Variants in PDE4DIP observed in about 807,000 individuals in gnomAD.
PDE4DIP encodes phosphodiesterase 4D interacting protein, also known as myomegalin.
In PDE4DIP, 59 loss-of-function variants were observed where a neutral mutation model predicts 221.4. The ratio of observed to expected loss-of-function variants is 0.27; its 90% CI spans 0.22 to 0.33. The LOEUF is 0.33. PDE4DIP is among the 10% of genes least tolerant of loss of function. The pLI is 1.00. For missense variants in PDE4DIP, 1,036 were observed against 2,154.2 expected, an observed-to-expected ratio of 0.48 and a Z score of 10.28; for synonymous variants, 404 against 815.9, an observed-to-expected ratio of 0.50 and a Z score of 8.60.
intron 9 of PDE4DIP, among the ~76,000 whole-genome samples, chr1:148,963,639 T>C (rs2057447993): frequency 6.6e-6 from 1 of 151,652 alleles, no homozygotes; most frequent in Admixed American, 6.6e-5. Context: ...GTCAGAGGAA[T>C]GACATGCATA....
At chr1:149,004,495 G>T (rs372581087) in intron 26 of PDE4DIP, among the ~76,000 whole-genome samples, 909 of 74,236 alleles carry the variant, frequency 0.012, 27 homozygotes, top group African/African-American at 0.049. Context: ...CTTTCAGCAT[G>T]CAGTAATAGC....
At chr1:148,923,950 G>T (rs1487927565) in intron 1 of PDE4DIP, among the ~76,000 whole-genome samples, 6 of 150,936 alleles carry the variant, frequency 4.0e-5, no homozygotes, top group Admixed American at 4.0e-4. Context: ...AGAAAGGTAT[G>T]TGAACCTAGG....
chr1:149,029,550 A>G (rs1258174062), intron 41 of PDE4DIP, among the ~76,000 whole-genome samples: 6 of 152,148 alleles, frequency 3.9e-5, no homozygotes, highest in African/African-American at 7.2e-5. Context: ...CTCTTAAGCT[A>G]CAGGTGTGTA....
exon 32 of PDE4DIP, chr1:149,012,650 G>A (rs781889930): frequency 1.2e-6 from 2 of 1,612,876 alleles, no homozygotes; most frequent in Non-Finnish European, 1.7e-6. Flanking sequence ...ATTGCCCTCA[G>A]CTCCATCCAG....
intron 34 of PDE4DIP, 45 bp downstream of exon 37, chr1:149,017,924 C>G: frequency 1.3e-6 from 2 of 1,514,630 alleles, no homozygotes; most frequent in South Asian, 2.3e-5. Context: ...TATTTAGGGA[C>G]TTTTAGGCAG....
In PDE4DIP at chr1:148,981,388, G is replaced by A. The variant is rs376498456; in HGVS notation, c.2806G>A (p.Ala936Thr). 9.3e-6 allele frequency: 15 copies of A among 1,613,914 alleles called. No individual in the cohort carries two copies. In the African/African-American group the frequency reaches 1.1e-4, roughly 11 times the overall value. The change falls in exon 21 of 44, where the codon GCC becomes ACC. Residue 936 changes from alanine (A) to threonine (T), a missense_variant. By Grantham distance (58) the Ala-to-Thr change is moderately conservative. Transcript: ENST00000369354. Reference sequence around the variant, plus strand: ...CTTAAACAGGCTGGAGACCCTGGCCGCCATTGGAGGTGGGGAACTGGAAAG... The same window carrying A: ...CTTAAACAGGCTGGAGACCCTGGCCACCATTGGAGGTGGGGAACTGGAAAG...
intron 37 of PDE4DIP, among the ~76,000 whole-genome samples, chr1:149,022,127 A>T: frequency 6.7e-6 from 1 of 148,576 alleles, no homozygotes; most frequent in South Asian, 2.2e-4. Flanking sequence ...ATGTTCACAC[A>T]AGTAAGGTGT....
chr1:148,954,999 C>G (rs1424636346), intron 5 of PDE4DIP, among the ~76,000 whole-genome samples: 2 of 151,768 alleles, frequency 1.3e-5, no homozygotes, highest in Non-Finnish European at 2.9e-5. Context: ...TACTGTCTAT[C>G]ACAATAAGAA....
intron 37 of PDE4DIP, 176 bp from the exon 41 acceptor site, chr1:149,024,269 C>A (rs1260689711): frequency 8.5e-6 from 5 of 584,854 alleles, no homozygotes; most frequent in Non-Finnish European, 1.2e-5. Flanking sequence ...TGGATGTGTG[C>A]CAGCTCAGTG....
At chr1:149,015,907 G>C (rs1575420964) in intron 32 of PDE4DIP, among the ~76,000 whole-genome samples, 1 of 151,176 alleles carries the variant, frequency 6.6e-6, no homozygotes, top group South Asian at 2.1e-4. Context: ...AGATGTTCGT[G>C]TTCACAGGTA....
chr1:148,948,466 C>T (rs1195280983), intron 5 of PDE4DIP, among the ~76,000 whole-genome samples: 6 of 142,340 alleles, frequency 4.2e-5, no homozygotes, highest in Non-Finnish European at 6.0e-5. Flanking sequence ...AGTGAGTCTC[C>T]GTCTCAAAAA....
chr1:148,980,212 C>CTATG (rs1416034599), intron 20 of PDE4DIP, among the ~76,000 whole-genome samples: 2 of 152,106 alleles, frequency 1.3e-5, no homozygotes, highest in African/African-American at 4.8e-5. Flanking sequence ...AAACGTAAGG[C>CTATG]TATGCCCTGT....
chr1:148,869,830 C>G (rs1456976641), intron 3 of PDE4DIP, among the ~76,000 whole-genome samples: 6 of 102,982 alleles, frequency 5.8e-5, no homozygotes, highest in African/African-American at 1.7e-4. Flanking sequence ...TTTGGTGCCC[C>G]CTCAGGGATA....
rs1685910500 is a variant in PDE4DIP at position 148,864,880 on chromosome 1, A to G, written c.289+1575A>G. 4.0e-5 allele frequency among the ~76,000 whole-genome samples: 5 copies of G among 123,646 alleles called. No individual in the cohort carries two copies. In the South Asian group the frequency reaches 1.2e-3, roughly 30 times the overall value. The allele number at this position is 123,646 out of a possible 152,430, so 81.1% of individuals were successfully genotyped here. A position where few individuals can be genotyped will look rare whatever the true frequency, so the allele number is the denominator to read the frequency against. ...ATTACCCCTGTTTTACAGAGGCAAT[A>G]TATCAGCAAAATTAAGAGATTTGCC... is the stretch of plus-strand genomic sequence containing the variant. On this transcript the variant is annotated intron_variant, in intron 2 of 45. Coordinates refer to the PDE4DIP transcript ENST00000524974.
At chr1:148,962,895 G>A (rs1317950536) in intron 9 of PDE4DIP, among the ~76,000 whole-genome samples, 6 of 151,698 alleles carry the variant, frequency 4.0e-5, no homozygotes, top group Middle Eastern at 3.4e-3. Context: ...CCACATTCAC[G>A]TAACTTTTCT....
intron 21 of PDE4DIP, among the ~76,000 whole-genome samples, chr1:148,989,536 T>C (rs1294012877): frequency 6.6e-6 from 1 of 152,236 alleles, no homozygotes; most frequent in Non-Finnish European, 1.5e-5. Context: ...AGTCACCCTT[T>C]CCAATTCTCG....
chr1:148,882,348 TC>T (rs1261891975), intron 3 of PDE4DIP, among the ~76,000 whole-genome samples: 2 of 151,594 alleles, frequency 1.3e-5, no homozygotes. Flanking sequence ...TTGGGCATCA[TC>T]CTTGAGTCAT....
At chr1:148,990,610 T>C (rs1431271004) in intron 21 of PDE4DIP, among the ~76,000 whole-genome samples, 3 of 149,612 alleles carry the variant, frequency 2.0e-5, no homozygotes, top group African/African-American at 7.4e-5. Flanking sequence ...TTGTGTAACC[T>C]TGGACTCACC....
chr1:149,016,656 C>T (rs2070682272), intron 33 of PDE4DIP, 106 bp downstream of exon 36: 2 of 503,512 alleles, frequency 4.0e-6, no homozygotes, highest in East Asian at 3.3e-5. Flanking sequence ...ATCCCTGGCT[C>T]ACAGAGTGGA....
Sources: allele counts gnomAD v4.1 joint callset (sites outside exome capture counted in the v4.1 genomes callset), GRCh38; gene constraint gnomAD v4.1.1; transcripts MANE v1.5; gene names NCBI Gene and HGNC (gene_info 2026-07-23, HGNC 2026-07-21).